KCNJ6: variants seen among roughly 807,000 people sequenced by gnomAD.
KCNJ6 encodes G protein-activated inward rectifier potassium channel 2.
KCNJ6 carries 9 observed loss-of-function variants against 34.2 expected under a neutral mutation model. The ratio of observed to expected loss-of-function variants is 0.26; its 90% CI spans 0.16 to 0.46. KCNJ6 has a LOEUF of 0.46. KCNJ6 is among the 20% of genes least tolerant of loss of function. The pLI, the probability that KCNJ6 is intolerant of heterozygous loss-of-function variation, is 1.00. For synonymous variants in KCNJ6, 196 were observed against 207.1 expected, an observed-to-expected ratio of 0.95 and a Z score of 0.46; for missense variants, 236 against 531.3, an observed-to-expected ratio of 0.44 and a Z score of 5.46.
At chr21:37,740,960 C>A (rs1035052470) in intron 2 of KCNJ6, among the ~76,000 whole-genome samples, 2 of 152,178 alleles carry the variant, frequency 1.3e-5, no homozygotes, top group Admixed American at 1.3e-4. Context: ...TCTGTCTGTC[C>A]CCTTGAATGT....
intron 3 of KCNJ6, among the ~76,000 whole-genome samples, chr21:37,690,636 A>AG (rs11378502): frequency 1 from 152,394 of 152,394 alleles, 76,197 homozygotes; most frequent in Non-Finnish European, 1. Context: ...CTCAGTGAAT[A>AG]TCTATGGCCA....
At chr21:37,909,863 A>G (rs1185824099) in intron 1 of KCNJ6, among the ~76,000 whole-genome samples, 2 of 152,208 alleles carry the variant, frequency 1.3e-5, no homozygotes. Flanking sequence ...GAAAGATTAG[A>G]TGTCTCTACC....
At chr21:37,625,564 A>T in intron 3 of KCNJ6, 80 bp from the exon 4 acceptor site, 1 of 1,017,914 alleles carries the variant, frequency 9.8e-7, no homozygotes, top group Admixed American at 2.2e-5. Context: ...AGCCAGGAGG[A>T]GTACTGCATG....
chr21:37,895,122 G>A (rs2123638997), intron 1 of KCNJ6, among the ~76,000 whole-genome samples: 1 of 152,294 alleles, frequency 6.6e-6, no homozygotes, highest in East Asian at 1.9e-4. Context: ...GCAGGGGAGA[G>A]AAATACACAG....
intron 1 of KCNJ6, among the ~76,000 whole-genome samples, chr21:37,857,675 T>C (rs971426186): frequency 1.3e-5 from 2 of 152,142 alleles, no homozygotes; most frequent in South Asian, 4.1e-4. Flanking sequence ...TGGGCCCTTC[T>C]CAACACTTCC....
chr21:37,870,588 A>T (rs9983426), intron 1 of KCNJ6, among the ~76,000 whole-genome samples: 113,127 of 150,420 alleles, frequency 0.75, 42,801 homozygotes, highest in East Asian at 0.91. Flanking sequence ...ACAATTCAAA[A>T]TTTTGTTTTT....
At position 37,608,209 on chromosome 21, in the gene KCNJ6, T is replaced by C. The variant is rs187551597; in HGVS notation, c.*16950A>G. The C allele has an allele frequency of 6.6e-6, 1 of 152,340 alleles. No individual in the cohort carries two copies. The highest frequency in any genetic ancestry group is 1.5e-5 in the Non-Finnish European group (1 of 68,042). 9.4% of individuals were successfully genotyped at this position (152,340 alleles called of 1,614,324 possible). ...TCCAAATGCATATTTTATCAAATCC[T>C]ATGATCCTAGGCTGGTCTAGGTACC... On this transcript the variant is annotated 3_prime_UTR_variant, in exon 4 of 4. Transcript: ENST00000609713.
intron 1 of KCNJ6, among the ~76,000 whole-genome samples, chr21:37,904,594 A>AT (rs569283316): frequency 1.4e-3 from 214 of 152,108 alleles, no homozygotes; most frequent in African/African-American, 4.7e-3. Context: ...ACCCCATTTT[A>AT]TTTTTTTACT....
At chr21:37,780,041 C>T (rs1217445722) in intron 2 of KCNJ6, among the ~76,000 whole-genome samples, 1 of 152,040 alleles carries the variant, frequency 6.6e-6, no homozygotes, top group Non-Finnish European at 1.5e-5. Flanking sequence ...GTCATTCTGC[C>T]TATTTGAGGT....
chr21:37,796,702 C>A (rs1056646034), intron 2 of KCNJ6, among the ~76,000 whole-genome samples: 5 of 151,828 alleles, frequency 3.3e-5, no homozygotes, highest in Admixed American at 6.6e-5. Context: ...GTCCCTGTGT[C>A]CCTGTATTAT....
Position 37,615,796 on chromosome 21 carries a change from T to A in KCNJ6, c.*9363A>T, listed in dbSNP as rs1376269141. ...TCTTCTAGGCAGAATTTATTTAGTG[T>A]TAAGAAAATGGCAACTCTTTGGACA... is the stretch of plus-strand genomic sequence containing the variant. On this transcript the variant is annotated 3_prime_UTR_variant, in exon 4 of 4. Transcript: ENST00000609713. 1 of 152,230 alleles carries A rather than the reference T, an allele frequency of 6.6e-6. No individual in the cohort carries two copies. The highest frequency in any genetic ancestry group is 6.5e-5 in the Admixed American group (1 of 15,290). The allele number at this position is 152,230 out of a possible 1,614,324, so 9.4% of individuals were successfully genotyped here.
chr21:37,891,337 A>G (rs921004979), intron 1 of KCNJ6, among the ~76,000 whole-genome samples: 9 of 152,144 alleles, frequency 5.9e-5, no homozygotes, highest in Admixed American at 5.2e-4. Context: ...ACGAACACAG[A>G]CACGCATAGA....
chr21:37,854,307 G>C (rs1430780001), intron 1 of KCNJ6, among the ~76,000 whole-genome samples: 1 of 152,092 alleles, frequency 6.6e-6, no homozygotes, highest in Non-Finnish European at 1.5e-5. Context: ...GTAGACTGCA[G>C]AGCAAAGAAA....
intron 1 of KCNJ6, among the ~76,000 whole-genome samples, chr21:37,871,013 AT>A: frequency 6.6e-6 from 1 of 152,032 alleles, no homozygotes; most frequent in East Asian, 1.9e-4. Flanking sequence ...ACAATCATGC[AT>A]TTTCTTACTT....
chr21:37,746,640 T>A (rs1388995462), intron 2 of KCNJ6, among the ~76,000 whole-genome samples: 1 of 152,154 alleles, frequency 6.6e-6, no homozygotes, highest in Admixed American at 6.5e-5. Context: ...GTAATTCCCC[T>A]CTGATTAAAC....
At chr21:37,893,520 T>C (rs1346989034) in intron 1 of KCNJ6, among the ~76,000 whole-genome samples, 3 of 152,178 alleles carry the variant, frequency 2.0e-5, no homozygotes, top group African/African-American at 7.2e-5. Flanking sequence ...CCCCCTATTT[T>C]CTAGGGAAAT....
chr21:37,718,407 G>C (rs767727009), intron 2 of KCNJ6, among the ~76,000 whole-genome samples: 1 of 152,198 alleles, frequency 6.6e-6, no homozygotes, highest in Non-Finnish European at 1.5e-5. Context: ...AGAGTGGTCA[G>C]GGGGAATGGT....
intron 2 of KCNJ6, among the ~76,000 whole-genome samples, chr21:37,819,051 G>A (rs1233112303): frequency 6.6e-6 from 1 of 152,142 alleles, no homozygotes; most frequent in East Asian, 1.9e-4. Context: ...CATTATAATT[G>A]TCTGGATATC....
rs530414726 is a variant in KCNJ6 at position 37,908,559 on chromosome 21, G to A, written c.-28+7325C>T. Reference sequence around the variant, plus strand: ...TCTTAGACACAATGTGGGTGTAATTGTCAAGATTAGAACATTGCTTTTGAG... The same window carrying A: ...TCTTAGACACAATGTGGGTGTAATTATCAAGATTAGAACATTGCTTTTGAG... On this transcript the variant is annotated intron_variant, in intron 1 of 3. Coordinates refer to ENST00000609713, the MANE Select transcript of KCNJ6 (RefSeq NM_002240.5). Among the ~76,000 whole-genome samples the A allele has an allele frequency of 3.9e-5, 6 of 152,318 alleles. No homozygotes were observed. In the South Asian group the frequency reaches 1.0e-3, roughly 26 times the overall value.
Sources: gnomAD v4.1 joint callset for allele counts (sites outside exome capture counted in the v4.1 genomes callset) on GRCh38, gnomAD v4.1.1 for gene constraint, MANE v1.5 for transcripts, NCBI Gene and HGNC (gene_info 2026-07-23, HGNC 2026-07-21) for gene names.